NBEA: variants seen among roughly 807,000 people sequenced by gnomAD.
NBEA encodes neurobeachin, also known as lysosomal-trafficking regulator 2.
A neutral mutation model predicts 343.4 loss-of-function variants in NBEA; 44 were observed. The ratio of observed to expected loss-of-function variants is 0.13; its 90% CI spans 0.10 to 0.16. NBEA has a LOEUF of 0.16. Among genes scored for constraint, NBEA ranks in the 10% least tolerant of loss-of-function variants. The pLI is 1.00. For missense variants in NBEA, 2,555 were observed against 3,631.3 expected, an observed-to-expected ratio of 0.70 and a Z score of 7.62; for synonymous variants, 1,175 against 1,238.7, an observed-to-expected ratio of 0.95 and a Z score of 1.08.
At chr13:35,024,638 C>T (rs1330275527) in intron 1 of NBEA, among the ~76,000 whole-genome samples, 1 of 152,044 alleles carries the variant, frequency 6.6e-6, no homozygotes, top group Non-Finnish European at 1.5e-5. Flanking sequence ...TGAGATTGTA[C>T]CACTGCACTC....
intron 10 of NBEA, among the ~76,000 whole-genome samples, chr13:35,082,674 A>C (rs1483552477): frequency 6.6e-6 from 1 of 152,152 alleles, no homozygotes; most frequent in Non-Finnish European, 1.5e-5. Context: ...GCCAGTGATG[A>C]TGAGCATTTT....
chr13:35,106,919 T>C (rs2065946579), intron 11 of NBEA, among the ~76,000 whole-genome samples: 1 of 151,918 alleles, frequency 6.6e-6, no homozygotes, highest in African/African-American at 2.4e-5. Context: ...TATGGGTTAA[T>C]GTTCTTCATG....
rs34286270 is a variant in NBEA at position 35,180,671 on chromosome 13, T to TA, written c.4663-1683dup. On this transcript the variant is annotated intron_variant, in intron 28 of 58. Coordinates refer to ENST00000379939, the MANE Select transcript of NBEA (RefSeq NM_001385012.1). ...CAGAATAATGGACTATTATTTCTTT[T>TA]AAAAAATGTTCTATTTCCATAGGTT... Among the ~76,000 whole-genome samples the TA allele has an allele frequency of 7.9e-5, 12 of 151,718 alleles. No individual in the cohort carries two copies. In the Admixed American group the frequency reaches 7.9e-4, roughly 10 times the overall value.
chr13:35,230,470 T>C (rs905831049), intron 33 of NBEA, among the ~76,000 whole-genome samples: 2 of 152,110 alleles, frequency 1.3e-5, no homozygotes, highest in African/African-American at 4.8e-5. Context: ...CACTTATTAA[T>C]CTTAAATAAA....
intron 18 of NBEA, among the ~76,000 whole-genome samples, chr13:35,143,024 C>A (rs1237887917): frequency 6.6e-6 from 1 of 152,088 alleles, no homozygotes; most frequent in African/African-American, 2.4e-5. Flanking sequence ...TATAACTGAT[C>A]TTCAGTGGTC....
At chr13:35,586,998 C>A (rs2081317841) in intron 46 of NBEA, among the ~76,000 whole-genome samples, 1 of 116,654 alleles carries the variant, frequency 8.6e-6, no homozygotes, top group Non-Finnish European at 2.1e-5. Context: ...TTTGAACTCT[C>A]AAATAGTCAG....
At chr13:35,611,247 T>G (rs966772244) in intron 48 of NBEA, among the ~76,000 whole-genome samples, 9 of 152,188 alleles carry the variant, frequency 5.9e-5, no homozygotes, top group African/African-American at 1.4e-4. Context: ...ATGGCTTTAT[T>G]TGCTTTCATC....
intron 33 of NBEA, among the ~76,000 whole-genome samples, chr13:35,231,765 A>G (rs2074987343): frequency 6.6e-6 from 1 of 152,140 alleles, no homozygotes; most frequent in South Asian, 2.1e-4. Context: ...TGATAGAGCC[A>G]GGATTCTAGT....
intron 26 of NBEA, among the ~76,000 whole-genome samples, chr13:35,172,348 A>G (rs2070532410): frequency 6.6e-6 from 1 of 152,004 alleles, no homozygotes; most frequent in Non-Finnish European, 1.5e-5. Flanking sequence ...TGACCACATT[A>G]AGATCTTTCT....
intron 41 of NBEA, among the ~76,000 whole-genome samples, chr13:35,519,358 C>G (rs941508447): frequency 6.6e-6 from 1 of 152,108 alleles, no homozygotes; most frequent in Non-Finnish European, 1.5e-5. Flanking sequence ...TTAGATGATT[C>G]TAATTTTATG....
At chr13:35,413,856 C>T (rs1566095440) in intron 38 of NBEA, among the ~76,000 whole-genome samples, 1 of 151,956 alleles carries the variant, frequency 6.6e-6, no homozygotes, top group Non-Finnish European at 1.5e-5. Flanking sequence ...ATATAAAGAA[C>T]AAAAAATAAA....
chr13:35,210,920 C>G (rs1471490890), intron 32 of NBEA, 133 bp from the exon 33 acceptor site: 1 of 862,600 alleles, frequency 1.2e-6, no homozygotes, highest in Admixed American at 2.8e-5. Context: ...TACTAATGGC[C>G]AAATGATTAA....
At chr13:34,993,553 AT>A (rs2060834696) in intron 1 of NBEA, among the ~76,000 whole-genome samples, 1 of 152,226 alleles carries the variant, frequency 6.6e-6, no homozygotes, top group African/African-American at 2.4e-5. Context: ...ACTGCCAAAG[AT>A]TAGTGTGGAG....
At chr13:35,475,004 A>T in intron 41 of NBEA, 1 of 1,550,808 alleles carries the variant, frequency 6.4e-7, no homozygotes, top group South Asian at 1.2e-5. Flanking sequence ...AGAAGTTTAC[A>T]CTTAATAAGG....
chr13:35,453,357 G>T (rs1322970607), intron 40 of NBEA, among the ~76,000 whole-genome samples: 1 of 151,818 alleles, frequency 6.6e-6, no homozygotes, highest in African/African-American at 2.4e-5. Flanking sequence ...CTATTTTTTC[G>T]ATTTAAATGT....
chr13:35,670,435 A>G (rs754650074), intron 58 of NBEA, among the ~76,000 whole-genome samples: 56 of 152,342 alleles, frequency 3.7e-4, no homozygotes, highest in Middle Eastern at 3.4e-3. Flanking sequence ...GGGCTTCAGA[A>G]TGAGACGTCG....
At chr13:35,269,674 CAATG>C (rs1252334283) in intron 34 of NBEA, among the ~76,000 whole-genome samples, 1 of 151,868 alleles carries the variant, frequency 6.6e-6, no homozygotes. Flanking sequence ...AGAAATTTGA[CAATG>C]AAACAAAAGA....
chr13:35,205,985 C>T lies in NBEA; in HGVS notation c.5367-2715C>T, dbSNP rs573398035. Among the ~76,000 whole-genome samples, 90 of 152,002 alleles carry T rather than the reference C, an allele frequency of 5.9e-4. 1 individual carries two copies. The highest frequency in any genetic ancestry group is 3.4e-3 in the Middle Eastern group (1 of 292). ...AACTGCTGAAGGTAGAATTCTAACC[C>T]GGGTCTGTAGGGTTAGAATTCTGTG... is the stretch of plus-strand genomic sequence containing the variant. On this transcript the variant is annotated intron_variant, in intron 31 of 58. Coordinates refer to ENST00000379939, the MANE Select transcript of NBEA (RefSeq NM_001385012.1).
chr13:35,505,458 G>A (rs118041786), intron 41 of NBEA, among the ~76,000 whole-genome samples: 2,624 of 152,284 alleles, frequency 0.017, 41 homozygotes, highest in Non-Finnish European at 0.028. Flanking sequence ...AGTGTAATCA[G>A]CTGTCACTGT....
Sources: gnomAD v4.1 joint callset for allele counts (sites outside exome capture counted in the v4.1 genomes callset) on GRCh38, gnomAD v4.1.1 for gene constraint, MANE v1.5 for transcripts, NCBI Gene and HGNC (gene_info 2026-07-23, HGNC 2026-07-21) for gene names.